The following XPO4 variants were observed in gnomAD, a reference collection of about 807,000 sequenced individuals.
XPO4 encodes the protein exportin-4.
In XPO4, 39 loss-of-function variants were observed where a neutral mutation model predicts 143.0. The ratio of observed to expected loss-of-function variants is 0.27; its 90% CI spans 0.21 to 0.36. The LOEUF is 0.36. Among genes scored for constraint, XPO4 ranks in the 10% least tolerant of loss-of-function variants. The probability of loss-of-function intolerance (pLI) is 1.00; values close to 1 mark genes in which losing one functional copy is unlikely to be tolerated. For synonymous variants in XPO4, 439 were observed against 474.0 expected (o/e 0.93, Z 0.96); for missense variants, 907 against 1,348.0 (o/e 0.67, Z 5.12).
At chr13:20,806,961 TC>T (rs927597333) in intron 13 of XPO4, among the ~76,000 whole-genome samples, 25 of 152,282 alleles carry the variant, frequency 1.6e-4, no homozygotes, top group African/African-American at 5.5e-4. Flanking sequence ...TTTGAGGCAC[TC>T]TCCTGTATTA....
At chr13:20,840,501 C>T (rs1014926776) in intron 6 of XPO4, among the ~76,000 whole-genome samples, 4 of 152,130 alleles carry the variant, frequency 2.6e-5, no homozygotes, top group Admixed American at 2.6e-4. Context: ...AGCCACCGCA[C>T]CCAGCAGATA....
chr13:20,829,385 T>C (rs2059824992), intron 6 of XPO4, among the ~76,000 whole-genome samples: 1 of 152,240 alleles, frequency 6.6e-6, no homozygotes, highest in African/African-American at 2.4e-5. Context: ...TTTTGTAATA[T>C]TTCGTATGCT....
At chr13:20,831,352 T>C (rs2138010638) in intron 6 of XPO4, among the ~76,000 whole-genome samples, 1 of 152,328 alleles carries the variant, frequency 6.6e-6, no homozygotes, top group Non-Finnish European at 1.5e-5. Flanking sequence ...TTTAGCATTT[T>C]ATAATATCTG....
intron 3 of XPO4, among the ~76,000 whole-genome samples, chr13:20,856,663 T>C (rs1035705057): frequency 6.6e-6 from 1 of 152,208 alleles, no homozygotes; most frequent in African/African-American, 2.4e-5. Context: ...CGTTCTTTAT[T>C]TCACTCTCAA....
intron 3 of XPO4, among the ~76,000 whole-genome samples, chr13:20,859,375 C>T (rs550263358): frequency 9.2e-5 from 14 of 152,152 alleles, no homozygotes; most frequent in East Asian, 5.8e-4. Flanking sequence ...CTGAAGCAGG[C>T]GGATCACGAG....
At position 20,807,776 on chromosome 13, in the gene XPO4, T is replaced by G. The variant is rs1291569540; in HGVS notation, c.1640-142A>C. 1.1e-5 allele frequency: 8 copies of G among 704,502 alleles called. No individual in the cohort carries two copies. The Admixed American group carries it at 2.5e-4, about 22-fold the overall frequency. The allele number at this position is 704,502 out of a possible 1,614,324, so 43.6% of individuals were successfully genotyped here. On this transcript the variant is annotated intron_variant, in intron 12 of 22. Transcript: ENST00000255305. ...TGTTAACCTGTTAATTTCAAGTTTA[T>G]GCAAAAAAAACTTTCTATGTCTCAG...
Position 20,809,001 on chromosome 13 carries a change from G to A in XPO4, c.1493+82C>T. Reference sequence around the variant, plus strand: ...GGGACACGGGGTGGGGGTGTTTAAAGTCTTTAAACACTTTAAGTGCTCTCC... The same window carrying A: ...GGGACACGGGGTGGGGGTGTTTAAAATCTTTAAACACTTTAAGTGCTCTCC... On this transcript the variant is annotated intron_variant, in intron 11 of 22. Transcript: ENST00000255305. The A allele has an allele frequency of 7.4e-6, 11 of 1,496,002 alleles. No homozygotes were observed. The South Asian group carries it at 1.4e-4, about 19-fold the overall frequency. 92.7% of individuals were successfully genotyped at this position (1,496,002 alleles called of 1,614,324 possible).
intron 22 of XPO4, among the ~76,000 whole-genome samples, chr13:20,784,742 A>C (rs2059179741): frequency 6.6e-6 from 1 of 152,130 alleles, no homozygotes; most frequent in South Asian, 2.1e-4. Context: ...CGGGAATTTG[A>C]GACCAGCCTG....
intron 1 of XPO4, among the ~76,000 whole-genome samples, chr13:20,895,631 CA>C (rs5802090): frequency 0.81 from 118,188 of 145,094 alleles, 47,807 homozygotes; most frequent in East Asian, 1. Context: ...GACTCTGTCT[CA>C]AAAAAAAAAA....
At chr13:20,866,132 G>A (rs1226849153) in intron 2 of XPO4, 3 of 985,192 alleles carry the variant, frequency 3.0e-6, no homozygotes, top group Non-Finnish European at 3.6e-6. Context: ...AGGAACATTT[G>A]ATCCTAAAAA....
At chr13:20,806,539 CTTTTTTTTTTTTTTTTTTT>C (rs3056347) in intron 13 of XPO4, among the ~76,000 whole-genome samples, 108 of 61,652 alleles carry the variant, frequency 1.8e-3, no homozygotes, top group South Asian at 6.7e-3. Flanking sequence ...TTTCAGGACC[CTTTTTTTTTTTTTTTTTTT>C]TTTTTTTTTT....
chr13:20,809,962 A>G lies in XPO4; in HGVS notation c.1179T>C (p.Asp393=). Residue 393 remains aspartate (D), a synonymous_variant, in exon 10 of 23, where the codon GAT becomes GAC. Coordinates refer to ENST00000255305, the MANE Select transcript of XPO4 (RefSeq NM_022459.5). Reference sequence around the variant, plus strand: ...CTTCCATGTATACCATGTCATCTTTATCAAGCTAAAAGAAAAGAACACTCA... The same window carrying G: ...CTTCCATGTATACCATGTCATCTTTGTCAAGCTAAAAGAAAAGAACACTCA... ...GRSAALEEVL[D]KDDMVYMEAY... 1 of 1,602,638 alleles carries G rather than the reference A, an allele frequency of 6.2e-7. No homozygotes were observed. The highest frequency in any genetic ancestry group is 1.1e-5 in the South Asian group (1 of 89,198).
rs1353715004 is a variant in XPO4 at position 20,782,719 on chromosome 13, A to C, written c.*1003T>G. On this transcript the variant is annotated 3_prime_UTR_variant, in exon 23 of 23. Transcript: ENST00000255305. ...TAAACCTACATAAATACACGATCGA[A>C]AGGGGCAACAGGTTCATAGCAGCTA... 1 of 152,654 alleles carries C rather than the reference A, an allele frequency of 6.6e-6. No individual in the cohort carries two copies. Among genetic ancestry groups the C allele is most frequent in the African/African-American group, 2.4e-5 (1 of 41,450 alleles). The allele number at this position is 152,654 out of a possible 1,614,324, so 9.5% of individuals were successfully genotyped here. A position where few individuals can be genotyped will look rare whatever the true frequency, so the allele number is the denominator to read the frequency against.
chr13:20,854,073 C>A (rs2060116926), intron 4 of XPO4, among the ~76,000 whole-genome samples: 1 of 152,040 alleles, frequency 6.6e-6, no homozygotes, highest in South Asian at 2.1e-4. Context: ...TTTAGACAGA[C>A]ATAGTAATGC....
Position 20,779,834 on chromosome 13 carries a change from T to A in XPO4, c.*3888A>T, listed in dbSNP as rs2059121218. ...CAAAGCATACTTCATATATTTTATA[T>A]CTAAATGAAAATATGCTTAAAATTC... On this transcript the variant is annotated 3_prime_UTR_variant, in exon 23 of 23. Transcript: ENST00000255305. 6.6e-6 allele frequency: 1 copy of A among 152,670 alleles called. No homozygotes were observed. The highest frequency in any genetic ancestry group is 6.5e-5 in the Admixed American group (1 of 15,278). The allele number at this position is 152,670 out of a possible 1,614,324, so 9.5% of individuals were successfully genotyped here.
chr13:20,884,063 G>A (rs776540987), intron 1 of XPO4, among the ~76,000 whole-genome samples: 63 of 152,158 alleles, frequency 4.1e-4, no homozygotes, highest in African/African-American at 6.0e-4. Context: ...ACCACACCCG[G>A]CCAAACATAT....
intron 10 of XPO4, 97 bp from the exon 11 acceptor site, chr13:20,809,322 G>T: frequency 6.9e-7 from 1 of 1,443,940 alleles, no homozygotes; most frequent in Non-Finnish European, 9.2e-7. Flanking sequence ...GCTAAGCACT[G>T]CATAGCAAAA....
chr13:20,818,474 T>TA (rs2059678164), intron 9 of XPO4, among the ~76,000 whole-genome samples: 1 of 152,158 alleles, frequency 6.6e-6, no homozygotes, highest in African/African-American at 2.4e-5. Flanking sequence ...GAATTGCTAT[T>TA]AAAAAAGATG....
chr13:20,786,944 GA>G lies in XPO4; in HGVS notation c.3258+20del, dbSNP rs2059214104. The G allele has an allele frequency of 1.0e-5, 16 of 1,539,002 alleles. No individual in the cohort carries two copies. Among genetic ancestry groups the G allele is most frequent in the Non-Finnish European group, 1.4e-5 (16 of 1,142,056 alleles). The stretch of plus-strand genomic sequence containing the variant: ...CAAAATAGAATGAGAAGAGTCCCCT[GA>G]AAAGAGGCATGTCCAGTACCTGGTG... On this transcript the variant is annotated intron_variant, in intron 22 of 22. Coordinates refer to ENST00000255305, the MANE Select transcript of XPO4 (RefSeq NM_022459.5).
Sources: gnomAD v4.1 joint callset for allele counts (sites outside exome capture counted in the v4.1 genomes callset) on GRCh38, gnomAD v4.1.1 for gene constraint, MANE v1.5 for transcripts, NCBI Gene and HGNC (gene_info 2026-07-23, HGNC 2026-07-21) for gene names.